PTPRD: variants seen among roughly 807,000 people sequenced by gnomAD.
PTPRD encodes protein tyrosine phosphatase receptor type D, also known as receptor-type tyrosine-protein phosphatase delta.
PTPRD carries 34 observed loss-of-function variants against 214.5 expected under a neutral mutation model. The ratio of observed to expected loss-of-function variants is 0.16; its 90% CI spans 0.12 to 0.21. PTPRD has a LOEUF of 0.21. PTPRD is among the 10% of genes least tolerant of loss of function. PTPRD has a pLI of 1.00. For missense variants in PTPRD, 2,545 were observed against 2,398.7 expected (o/e 1.06, Z -1.27); for synonymous variants, 1,128 against 845.7 (o/e 1.33, Z -5.79).
intron 9 of PTPRD, among the ~76,000 whole-genome samples, chr9:9,194,512 G>T (rs1015256465): frequency 2.0e-5 from 3 of 152,066 alleles, no homozygotes; most frequent in Non-Finnish European, 4.4e-5. Context: ...GATGTCACTG[G>T]GTGACAGGAA....
intron 2 of PTPRD, among the ~76,000 whole-genome samples, chr9:10,489,858 C>T (rs1461905308): frequency 6.6e-6 from 1 of 152,196 alleles, no homozygotes; most frequent in African/African-American, 2.4e-5. Context: ...ATGCATAAAG[C>T]TGCAGCTGCT....
At chr9:10,396,578 G>C (rs560168952) in intron 2 of PTPRD, among the ~76,000 whole-genome samples, 5 of 151,972 alleles carry the variant, frequency 3.3e-5, no homozygotes, top group Non-Finnish European at 7.4e-5. Context: ...AAGAGAATTA[G>C]AGAGACAGTG....
chr9:9,355,309 T>C (rs962536614), intron 9 of PTPRD, among the ~76,000 whole-genome samples: 7 of 151,658 alleles, frequency 4.6e-5, no homozygotes, highest in East Asian at 1.9e-4. Context: ...GGTAGAAGCA[T>C]GGAGATCCAT....
chr9:8,727,501 G>T (rs976401556), intron 12 of PTPRD, among the ~76,000 whole-genome samples: 7 of 152,192 alleles, frequency 4.6e-5, no homozygotes, highest in African/African-American at 1.7e-4. Context: ...TTAGAGAAAA[G>T]AGAAACAATG....
intron 11 of PTPRD, among the ~76,000 whole-genome samples, chr9:8,830,391 A>G (rs150660767): frequency 5.4e-4 from 83 of 152,302 alleles, no homozygotes; most frequent in Admixed American, 2.5e-3. Context: ...TTTTATAGAA[A>G]TTGTAAGACT....
At chr9:10,407,275 T>C (rs2098378941) in intron 2 of PTPRD, among the ~76,000 whole-genome samples, 2 of 151,594 alleles carry the variant, frequency 1.3e-5, no homozygotes, top group Admixed American at 1.3e-4. Flanking sequence ...GGATTTAAAA[T>C]GAATATGGTG....
At chr9:10,406,023 T>A (rs970336086) in intron 2 of PTPRD, among the ~76,000 whole-genome samples, 1 of 151,360 alleles carries the variant, frequency 6.6e-6, no homozygotes, top group Non-Finnish European at 1.5e-5. Flanking sequence ...CTATCCATTA[T>A]AAGATACATT....
Position 8,427,288 on chromosome 9 carries a change from C to T in PTPRD, c.4086+9304G>A, listed in dbSNP as rs539723407. On this transcript the variant is annotated intron_variant, in intron 35 of 45. Transcript: ENST00000381196. Reference sequence around the variant, plus strand: ...GAGAGAAAAGAGCCTGAAAATAAGGCTTCACTGCTGATAGATCAGGTGGGG... The same window carrying T: ...GAGAGAAAAGAGCCTGAAAATAAGGTTTCACTGCTGATAGATCAGGTGGGG... Among the ~76,000 whole-genome samples, 3 of 152,306 alleles carry T rather than the reference C, an allele frequency of 2.0e-5. No homozygotes were observed. The South Asian group carries it at 6.2e-4, about 32-fold the overall frequency.
chr9:9,716,681 G>A (rs1408181945), intron 7 of PTPRD, among the ~76,000 whole-genome samples: 6 of 152,094 alleles, frequency 3.9e-5, no homozygotes, highest in African/African-American at 1.4e-4. Flanking sequence ...CATGTCCTTT[G>A]CCCACTTTTT....
intron 2 of PTPRD, among the ~76,000 whole-genome samples, chr9:10,479,840 G>T (rs905484154): frequency 6.6e-6 from 1 of 151,864 alleles, no homozygotes; most frequent in Non-Finnish European, 1.5e-5. Context: ...ACAAACCGCG[G>T]AGCTGTGGTG....
intron 5 of PTPRD, among the ~76,000 whole-genome samples, chr9:9,776,823 C>T (rs2098802010): frequency 6.6e-6 from 1 of 152,142 alleles, no homozygotes; most frequent in Admixed American, 6.5e-5. Context: ...CAACTGCTCA[C>T]TTCCACTTCA....
intron 4 of PTPRD, among the ~76,000 whole-genome samples, chr9:9,989,037 A>AAAAAAAAAAAC (rs1555436290): frequency 1.6e-5 from 2 of 121,364 alleles, no homozygotes; most frequent in African/African-American, 2.6e-5. Flanking sequence ...AAAAAAAAAA[A>AAAAAAAAAAAC]AAAAAAAACC....
At chr9:9,490,149 A>G (rs926268652) in intron 8 of PTPRD, among the ~76,000 whole-genome samples, 2 of 152,128 alleles carry the variant, frequency 1.3e-5, no homozygotes, top group Admixed American at 1.3e-4. Flanking sequence ...AGAATGCTAT[A>G]GTTGGCAAAA....
At chr9:9,214,399 T>A (rs1009760112) in intron 9 of PTPRD, among the ~76,000 whole-genome samples, 1 of 152,186 alleles carries the variant, frequency 6.6e-6, no homozygotes, top group African/African-American at 2.4e-5. Context: ...GCTGAATTTG[T>A]TTTAGTCCAC....
chr9:9,052,973 T>G (rs1428414306), intron 10 of PTPRD, among the ~76,000 whole-genome samples: 1 of 152,198 alleles, frequency 6.6e-6, no homozygotes, highest in Non-Finnish European at 1.5e-5. Flanking sequence ...AACTTACTCA[T>G]GTGATGAGCT....
intron 2 of PTPRD, among the ~76,000 whole-genome samples, chr9:10,484,815 C>A (rs1457505255): frequency 1.3e-5 from 2 of 151,822 alleles, no homozygotes; most frequent in Admixed American, 6.6e-5. Flanking sequence ...TTATTCTGTG[C>A]GTTGTCTCTT....
At chr9:10,248,154 A>G (rs944513001) in intron 3 of PTPRD, among the ~76,000 whole-genome samples, 2 of 152,106 alleles carry the variant, frequency 1.3e-5, no homozygotes, top group African/African-American at 4.8e-5. Context: ...TAAATTGCCC[A>G]TTCTCAGGTA....
chr9:9,687,118 G>A (rs1275905563), intron 7 of PTPRD, among the ~76,000 whole-genome samples: 1 of 151,694 alleles, frequency 6.6e-6, no homozygotes, highest in East Asian at 1.9e-4. Context: ...AAGGTGAGGA[G>A]AGTGAGCCAA....
At chr9:9,281,803 T>C (rs746007366) in intron 9 of PTPRD, among the ~76,000 whole-genome samples, 4 of 150,590 alleles carry the variant, frequency 2.7e-5, no homozygotes, top group Non-Finnish European at 4.4e-5. Flanking sequence ...CACATGAATA[T>C]TCGTAACAGC....
Sources: gnomAD v4.1 joint callset for allele counts (sites outside exome capture counted in the v4.1 genomes callset) on GRCh38, gnomAD v4.1.1 for gene constraint, MANE v1.5 for transcripts, NCBI Gene and HGNC (gene_info 2026-07-23, HGNC 2026-07-21) for gene names.